ATXN1: variants seen among roughly 807,000 people sequenced by gnomAD.
ATXN1 encodes the protein ataxin-1.
In ATXN1, 8 loss-of-function variants were observed where a neutral mutation model predicts 56.4. That is an observed-to-expected ratio of 0.14 (90% CI 0.08 to 0.26). The LOEUF (loss-of-function observed/expected upper bound fraction) is 0.26. Among genes scored for constraint, ATXN1 ranks in the 10% least tolerant of loss-of-function variants. ATXN1 has a pLI of 1.00. For synonymous variants in ATXN1, 514 were observed against 494.6 expected (o/e 1.04, Z -0.52); for missense variants, 987 against 1,106.5 (o/e 0.89, Z 1.53).
At chr6:16,611,239 T>G (rs1207726949) in intron 3 of ATXN1, among the ~76,000 whole-genome samples, 1 of 152,204 alleles carries the variant, frequency 6.6e-6, no homozygotes, top group Non-Finnish European at 1.5e-5. Context: ...GTGTTAATCT[T>G]ATCTTATACA....
chr6:16,454,323 T>C (rs769026023), intron 6 of ATXN1, among the ~76,000 whole-genome samples: 2 of 152,108 alleles, frequency 1.3e-5, no homozygotes, highest in African/African-American at 4.8e-5. Context: ...CCACTCCATA[T>C]TGTGCCAGTG....
intron 6 of ATXN1, among the ~76,000 whole-genome samples, chr6:16,465,082 A>G (rs1760076512): frequency 6.6e-6 from 1 of 152,200 alleles, no homozygotes; most frequent in Non-Finnish European, 1.5e-5. Flanking sequence ...AAACAAAAAC[A>G]ACAACAACAC....
At chr6:16,708,154 G>A (rs1759445833) in intron 2 of ATXN1, among the ~76,000 whole-genome samples, 1 of 151,950 alleles carries the variant, frequency 6.6e-6, no homozygotes, top group South Asian at 2.1e-4. Context: ...CAAAAACCAG[G>A]ATAGCACTCT....
At chr6:16,383,490 T>C (rs909410171) in intron 6 of ATXN1, among the ~76,000 whole-genome samples, 1 of 152,234 alleles carries the variant, frequency 6.6e-6, no homozygotes, top group Admixed American at 6.5e-5. Context: ...CTATTATTAA[T>C]GATAATACTG....
intron 3 of ATXN1, among the ~76,000 whole-genome samples, chr6:16,603,870 G>A (rs1330070191): frequency 6.6e-6 from 1 of 152,078 alleles, no homozygotes; most frequent in Admixed American, 6.5e-5. Context: ...CGAAGGCATT[G>A]TGCAGCACCC....
chr6:16,634,060 T>C (rs1401043031), intron 3 of ATXN1, among the ~76,000 whole-genome samples: 1 of 152,248 alleles, frequency 6.6e-6, no homozygotes, highest in Non-Finnish European at 1.5e-5. Context: ...ACCTATTAGA[T>C]GTCTGGTTTC....
chr6:16,639,610 G>A (rs760888086), intron 3 of ATXN1, among the ~76,000 whole-genome samples: 15 of 147,136 alleles, frequency 1.0e-4, no homozygotes, highest in African/African-American at 1.9e-4. Context: ...CATTGCGCCC[G>A]GCCCCTGGGT....
intron 6 of ATXN1, among the ~76,000 whole-genome samples, chr6:16,425,152 T>C (rs1759123527): frequency 6.6e-6 from 1 of 152,242 alleles, no homozygotes; most frequent in Non-Finnish European, 1.5e-5. Flanking sequence ...AGATGCCTGA[T>C]TTCAGATTCT....
chr6:16,554,565 C>T lies in ATXN1; in HGVS notation c.-361+31215G>A, dbSNP rs998058071. ...CTCCCAGATTCAAGCAATTCTCCTG[C>T]CTCAGCCTCCTGAGTAGCTGAGATT... On this transcript the variant is annotated intron_variant, in intron 4 of 7. Coordinates refer to ENST00000436367, the MANE Select transcript of ATXN1 (RefSeq NM_001128164.2). Among the ~76,000 whole-genome samples the T allele has an allele frequency of 2.0e-5, 3 of 152,228 alleles. No homozygotes were observed. In the South Asian group the frequency reaches 6.2e-4, roughly 32 times the overall value.
chr6:16,676,133 T>C (rs1287633607), intron 2 of ATXN1, among the ~76,000 whole-genome samples: 1 of 152,174 alleles, frequency 6.6e-6, no homozygotes, highest in Non-Finnish European at 1.5e-5. Flanking sequence ...AGGGTAGTAT[T>C]ACATTGGTAA....
rs1760207576 is a variant in ATXN1, at chr6:16,304,995, A to G, written c.*1334T>C. On this transcript the variant is annotated 3_prime_UTR_variant, in exon 8 of 8. Transcript: ENST00000436367. Reference sequence around the variant, plus strand: ...CATTTATTGTCACATACTAGTTCATAATTCACATTCATCCCTTTAAACCAC... The same window carrying G: ...CATTTATTGTCACATACTAGTTCATGATTCACATTCATCCCTTTAAACCAC... The G allele has an allele frequency of 1.3e-5, 2 of 152,674 alleles. No homozygotes were observed. Among genetic ancestry groups the G allele is most frequent in the African/African-American group, 4.8e-5 (2 of 41,468 alleles). The allele number at this position is 152,674 out of a possible 1,614,324, so 9.5% of individuals were successfully genotyped here.
chr6:16,368,774 C>T (rs1443030080), intron 6 of ATXN1, among the ~76,000 whole-genome samples: 1 of 152,168 alleles, frequency 6.6e-6, no homozygotes, highest in Non-Finnish European at 1.5e-5. Context: ...TCATTAGATT[C>T]CACATGTCTT....
intron 4 of ATXN1, among the ~76,000 whole-genome samples, chr6:16,524,360 G>C (rs1197155082): frequency 1.3e-5 from 2 of 152,304 alleles, no homozygotes; most frequent in Admixed American, 1.3e-4. Context: ...GGTAGATACT[G>C]GCAAAATCTC....
chr6:16,353,810 G>A (rs1283585781), intron 6 of ATXN1, among the ~76,000 whole-genome samples: 2 of 152,248 alleles, frequency 1.3e-5, no homozygotes, highest in Non-Finnish European at 2.9e-5. Context: ...TCACAATCGT[G>A]CATGAGGACA....
At chr6:16,526,568 C>T (rs1027021153) in intron 4 of ATXN1, among the ~76,000 whole-genome samples, 2 of 151,820 alleles carry the variant, frequency 1.3e-5, no homozygotes, top group African/African-American at 2.4e-5. Flanking sequence ...AGGTCAAGAC[C>T]AGCCTGGCCA....
At chr6:16,523,275 T>C (rs1049132540) in intron 4 of ATXN1, among the ~76,000 whole-genome samples, 2 of 152,204 alleles carry the variant, frequency 1.3e-5, no homozygotes, top group African/African-American at 4.8e-5. Flanking sequence ...ATTTTATAGC[T>C]GGAAACCCTG....
chr6:16,696,435 T>C (rs1009102914), intron 2 of ATXN1, among the ~76,000 whole-genome samples: 9 of 152,200 alleles, frequency 5.9e-5, no homozygotes, highest in African/African-American at 1.9e-4. Context: ...CACTATATAG[T>C]AGCACTCTAC....
chr6:16,408,205 C>G (rs73364798), intron 6 of ATXN1, among the ~76,000 whole-genome samples: 2,131 of 152,168 alleles, frequency 0.014, 56 homozygotes, highest in African/African-American at 0.048. Flanking sequence ...CCCTGCTGTA[C>G]TTGGCAACAA....
chr6:16,389,809 G>C (rs977815589), intron 6 of ATXN1, among the ~76,000 whole-genome samples: 1 of 152,188 alleles, frequency 6.6e-6, no homozygotes, highest in Non-Finnish European at 1.5e-5. Context: ...AGGGCTCACA[G>C]GTTCATTGCA....
Sources: gnomAD v4.1 joint callset for allele counts (sites outside exome capture counted in the v4.1 genomes callset) on GRCh38, gnomAD v4.1.1 for gene constraint, MANE v1.5 for transcripts, NCBI Gene and HGNC (gene_info 2026-07-23, HGNC 2026-07-21) for gene names.